The following DPYD variants were observed in gnomAD, a reference collection of about 807,000 sequenced individuals.
DPYD encodes dihydropyrimidine dehydrogenase.
Under a neutral mutation model 116.2 loss-of-function variants are expected in DPYD, and 109 were observed. That is an observed-to-expected ratio of 0.94 (90% CI 0.80 to 1.10). DPYD has a LOEUF of 1.10. Ranked by LOEUF, DPYD falls within the 50% of genes least tolerant of loss-of-function variation. The pLI is 0.00. For synonymous variants in DPYD, 440 were observed against 432.0 expected, an observed-to-expected ratio of 1.02 and a Z score of -0.23; for missense variants, 1,302 against 1,254.5, an observed-to-expected ratio of 1.04 and a Z score of -0.57.
chr1:97,677,935 G>A (rs542689925), intron 8 of DPYD, among the ~76,000 whole-genome samples: 4 of 152,194 alleles, frequency 2.6e-5, no homozygotes, highest in Non-Finnish European at 5.9e-5. Context: ...ATATTATTTC[G>A]AACTTCATAT....
intron 3 of DPYD, among the ~76,000 whole-genome samples, chr1:97,746,099 A>C (rs943686043): frequency 1.3e-5 from 2 of 152,098 alleles, no homozygotes; most frequent in African/African-American, 4.8e-5. Context: ...CATAGTTTTG[A>C]AGGCTTACCC....
intron 16 of DPYD, among the ~76,000 whole-genome samples, chr1:97,344,718 G>T (rs1164590092): frequency 3.3e-5 from 5 of 151,692 alleles, no homozygotes; most frequent in Non-Finnish European, 7.4e-5. Flanking sequence ...TTGTGTACAT[G>T]CCATAAGTTA....
At chr1:97,514,748 T>C (rs1021876153) in intron 13 of DPYD, among the ~76,000 whole-genome samples, 1 of 151,854 alleles carries the variant, frequency 6.6e-6, no homozygotes, top group Non-Finnish European at 1.5e-5. Context: ...TCTCTAGATT[T>C]TCCTGACCAC....
intron 18 of DPYD, among the ~76,000 whole-genome samples, chr1:97,241,585 G>T (rs576483687): frequency 5.7e-4 from 86 of 152,022 alleles, no homozygotes; most frequent in African/African-American, 2.0e-3. Flanking sequence ...ACCATCTCTG[G>T]ATTATTTTTG....
At chr1:97,861,902 C>T (rs1211213985) in intron 2 of DPYD, among the ~76,000 whole-genome samples, 1 of 151,890 alleles carries the variant, frequency 6.6e-6, no homozygotes, top group African/African-American at 2.4e-5. Context: ...TCTATGACCC[C>T]CTACACTCTA....
intron 10 of DPYD, among the ~76,000 whole-genome samples, chr1:97,578,296 G>A (rs1002900189): frequency 6.6e-6 from 1 of 151,982 alleles, no homozygotes; most frequent in Non-Finnish European, 1.5e-5. Flanking sequence ...TCTTCAGACA[G>A]AAAATGTTAT....
intron 2 of DPYD, among the ~76,000 whole-genome samples, chr1:97,872,636 C>G (rs906412363): frequency 5.3e-5 from 8 of 151,930 alleles, no homozygotes; most frequent in Admixed American, 2.0e-4. Context: ...AAAAAACATA[C>G]TTTTAAAGAG....
intron 5 of DPYD, among the ~76,000 whole-genome samples, chr1:97,719,411 C>T (rs1005386120): frequency 6.6e-6 from 1 of 151,816 alleles, no homozygotes; most frequent in Non-Finnish European, 1.5e-5. Context: ...GCTTTCCTAA[C>T]CTTTGCTTAA....
At chr1:97,603,349 C>G (rs1228132039) in intron 8 of DPYD, among the ~76,000 whole-genome samples, 1 of 151,900 alleles carries the variant, frequency 6.6e-6, no homozygotes, top group African/African-American at 2.4e-5. Flanking sequence ...GCAACAGCCA[C>G]CTGCTGTGGA....
At chr1:97,762,383 G>A (rs1485250477) in intron 3 of DPYD, among the ~76,000 whole-genome samples, 1 of 152,092 alleles carries the variant, frequency 6.6e-6, no homozygotes, top group Non-Finnish European at 1.5e-5. Context: ...TTATTATTCA[G>A]AGGATGCTGT....
chr1:97,843,083 T>A (rs1470968060), intron 2 of DPYD, among the ~76,000 whole-genome samples: 1 of 152,088 alleles, frequency 6.6e-6, no homozygotes, highest in African/African-American at 2.4e-5. Context: ...GCCTGAACAA[T>A]CCAATCTTTT....
chr1:97,288,566 C>A (rs1195458951), intron 18 of DPYD, among the ~76,000 whole-genome samples: 1 of 151,706 alleles, frequency 6.6e-6, no homozygotes, highest in Non-Finnish European at 1.5e-5. Context: ...GGAAACTGAA[C>A]AATCTGCTCC....
intron 20 of DPYD, among the ~76,000 whole-genome samples, chr1:97,173,040 C>T (rs1016313142): frequency 1.9e-4 from 29 of 151,890 alleles, no homozygotes; most frequent in Non-Finnish European, 3.8e-4. Flanking sequence ...TGAATGGTTA[C>T]GGGCACAATG....
Position 97,199,539 on chromosome 1 carries a change from G to A in DPYD, c.2443-6291C>T, listed in dbSNP as rs537455621. On this transcript the variant is annotated intron_variant, in intron 19 of 22. Transcript: ENST00000370192. ...GAATAAATCATTAGGGCATGAATTA[G>A]GCAGGATATAATTTTTTTAATGTAA... Among the ~76,000 whole-genome samples the A allele has an allele frequency of 3.4e-4, 52 of 152,110 alleles. No individual in the cohort carries two copies. In the South Asian group the frequency reaches 0.011, roughly 32 times the overall value.
chr1:97,429,624 T>G (rs1443261603), intron 14 of DPYD, among the ~76,000 whole-genome samples: 2 of 152,034 alleles, frequency 1.3e-5, no homozygotes, highest in African/African-American at 4.8e-5. Flanking sequence ...TCCACATTTG[T>G]AAAGTAAGGA....
chr1:97,920,816 C>T, intron 1 of DPYD, 68 bp downstream of exon 1: 1 of 1,551,266 alleles, frequency 6.4e-7, no homozygotes, highest in Non-Finnish European at 8.7e-7. Flanking sequence ...GGGGGCCTCC[C>T]CGGCACCTAC....
chr1:97,505,808 A>G (rs755111590), intron 13 of DPYD, among the ~76,000 whole-genome samples: 4 of 152,104 alleles, frequency 2.6e-5, no homozygotes, highest in Non-Finnish European at 5.9e-5. Context: ...TCACATAAAT[A>G]GAGGGTAAAT....
At chr1:97,406,096 C>G (rs1335215412) in intron 14 of DPYD, among the ~76,000 whole-genome samples, 1 of 151,898 alleles carries the variant, frequency 6.6e-6, no homozygotes, top group Non-Finnish European at 1.5e-5. Context: ...AATTATAGTT[C>G]AGGTTTTCCT....
chr1:97,500,392 C>T (rs1679505694), intron 13 of DPYD, among the ~76,000 whole-genome samples: 1 of 151,882 alleles, frequency 6.6e-6, no homozygotes, highest in South Asian at 2.1e-4. Context: ...ATATTTGTAT[C>T]ATGTCTAATA....
Sources: allele counts gnomAD v4.1 joint callset (sites outside exome capture counted in the v4.1 genomes callset), GRCh38; gene constraint gnomAD v4.1.1; transcripts MANE v1.5; gene names NCBI Gene and HGNC (gene_info 2026-07-23, HGNC 2026-07-21).